TRHDE: variants seen among roughly 807,000 people sequenced by gnomAD.
TRHDE encodes thyrotropin-releasing hormone-degrading ectoenzyme.
Under a neutral mutation model 125.7 loss-of-function variants are expected in TRHDE, and 72 were observed. That is an observed-to-expected ratio of 0.57 (90% CI 0.47 to 0.70). TRHDE has a LOEUF of 0.70. TRHDE is among the 30% of genes least tolerant of loss of function. The pLI, the probability that TRHDE is intolerant of heterozygous loss-of-function variation, is 0.00. For synonymous variants in TRHDE, 509 were observed against 509.1 expected (o/e 1.00, Z 0.00); for missense variants, 1,110 against 1,327.1 (o/e 0.84, Z 2.54).
At chr12:72,170,992 C>G (rs1181700640) in intron 2 of TRHDE, among the ~76,000 whole-genome samples, 1 of 152,096 alleles carries the variant, frequency 6.6e-6, no homozygotes, top group African/African-American at 2.4e-5. Context: ...AATACTCAAC[C>G]AAGAAGTTAT....
intron 5 of TRHDE, among the ~76,000 whole-genome samples, chr12:72,496,148 A>G (rs1877904720): frequency 6.6e-6 from 1 of 152,246 alleles, no homozygotes; most frequent in South Asian, 2.1e-4. Context: ...TTCACCACAA[A>G]CATTTCAACA....
chr12:72,561,301 G>A (rs1371677215), intron 7 of TRHDE, among the ~76,000 whole-genome samples: 1 of 148,284 alleles, frequency 6.7e-6, no homozygotes, highest in Non-Finnish European at 1.5e-5. Flanking sequence ...TCAGTACTTT[G>A]ATATAATTTA....
intron 2 of TRHDE, among the ~76,000 whole-genome samples, chr12:72,352,192 T>C (rs1022864745): frequency 1.3e-5 from 2 of 151,804 alleles, no homozygotes; most frequent in African/African-American, 2.4e-5. Context: ...AATTGAATGA[T>C]TGACTGAGTG....
At chr12:72,651,311 C>A (rs1297652370) in intron 15 of TRHDE, among the ~76,000 whole-genome samples, 1 of 151,964 alleles carries the variant, frequency 6.6e-6, no homozygotes, top group Non-Finnish European at 1.5e-5. Context: ...AGATTCAGAT[C>A]ATCTTACTGG....
At chr12:72,189,206 T>C (rs1877288881) in intron 2 of TRHDE, among the ~76,000 whole-genome samples, 1 of 152,236 alleles carries the variant, frequency 6.6e-6, no homozygotes. Context: ...AAGGTATAAA[T>C]GATTGATAAC....
At chr12:72,499,046 G>A (rs571515031) in intron 5 of TRHDE, among the ~76,000 whole-genome samples, 1 of 152,010 alleles carries the variant, frequency 6.6e-6, no homozygotes, top group South Asian at 2.1e-4. Flanking sequence ...GGGAAAAAAA[G>A]AGCTGTTCAA....
chr12:72,292,923 C>T (rs780159312), intron 2 of TRHDE, among the ~76,000 whole-genome samples: 10 of 152,062 alleles, frequency 6.6e-5, no homozygotes, highest in Admixed American at 2.0e-4. Flanking sequence ...GAAAATGCCA[C>T]GAAGGGTTTG....
chr12:72,360,767 G>A (rs1396019276), intron 2 of TRHDE, among the ~76,000 whole-genome samples: 1 of 151,766 alleles, frequency 6.6e-6, no homozygotes, highest in Non-Finnish European at 1.5e-5. Flanking sequence ...TCTAGAGCAG[G>A]AGGGATGGGA....
intron 2 of TRHDE, among the ~76,000 whole-genome samples, chr12:72,202,051 T>C (rs1426018936): frequency 6.6e-6 from 1 of 152,242 alleles, no homozygotes; most frequent in African/African-American, 2.4e-5. Context: ...TCAACAGTAC[T>C]GTCTCTTTCG....
At chr12:72,238,927 A>T (rs1209969426) in intron 2 of TRHDE, among the ~76,000 whole-genome samples, 1 of 152,184 alleles carries the variant, frequency 6.6e-6, no homozygotes, top group Non-Finnish European at 1.5e-5. Context: ...TTGCTGGGTC[A>T]AATGGTATTT....
At chr12:72,646,048 A>T (rs1037519609) in intron 15 of TRHDE, among the ~76,000 whole-genome samples, 1 of 152,110 alleles carries the variant, frequency 6.6e-6, no homozygotes, top group Admixed American at 6.6e-5. Flanking sequence ...CACTGGTAAA[A>T]ATCAACATAT....
chr12:72,320,543 CTGTGTGTGTGTGTGTGTG>C lies in TRHDE; in HGVS notation c.1188+33611_1188+33628del, dbSNP rs59244019. Among the ~76,000 whole-genome samples the C allele has an allele frequency of 2.8e-5, 4 of 143,172 alleles. No homozygotes were observed. In the South Asian group the frequency reaches 9.3e-4, roughly 33 times the overall value. The allele number at this position is 143,172 out of a possible 152,430, so 93.9% of individuals were successfully genotyped here. A position where few individuals can be genotyped will look rare whatever the true frequency, so the allele number is the denominator to read the frequency against. ...AGAACCTATGGATACAGAGGGTTGA[CTGTGTGTGTGTGTGTGTG>C]TGTGTGTGTGTGTGTGTGTGTAGCA... is the stretch of plus-strand genomic sequence containing the variant. On this transcript the variant is annotated intron_variant, in intron 2 of 18. Coordinates refer to ENST00000261180, the MANE Select transcript of TRHDE (RefSeq NM_013381.3).
At chr12:72,538,175 T>C (rs2135983237) in intron 6 of TRHDE, among the ~76,000 whole-genome samples, 1 of 152,112 alleles carries the variant, frequency 6.6e-6, no homozygotes, top group Admixed American at 6.6e-5. Flanking sequence ...GTGAATTTGC[T>C]TCTAGCTTTC....
At chr12:72,133,660 C>T (rs1309689740) in intron 2 of TRHDE, among the ~76,000 whole-genome samples, 1 of 152,206 alleles carries the variant, frequency 6.6e-6, no homozygotes, top group Non-Finnish European at 1.5e-5. Flanking sequence ...AGGTCCATCA[C>T]TGGGCCACTA....
intron 15 of TRHDE, among the ~76,000 whole-genome samples, chr12:72,650,587 G>C (rs1387562398): frequency 6.6e-6 from 1 of 151,962 alleles, no homozygotes; most frequent in Non-Finnish European, 1.5e-5. Flanking sequence ...TGTATTAATT[G>C]CTTAATAAAT....
At chr12:72,178,488 G>C (rs1179841835) in intron 2 of TRHDE, among the ~76,000 whole-genome samples, 1 of 151,914 alleles carries the variant, frequency 6.6e-6, no homozygotes, top group African/African-American at 2.4e-5. Flanking sequence ...TAATATAAAG[G>C]AGCCTAAGCT....
intron 6 of TRHDE, among the ~76,000 whole-genome samples, chr12:72,533,204 T>C (rs576875083): frequency 7.4e-4 from 113 of 152,092 alleles, no homozygotes; most frequent in Non-Finnish European, 8.5e-4. Flanking sequence ...GATGGAGTTT[T>C]GCTCTTGTCA....
At chr12:72,251,811 T>C (rs192529617) in intron 2 of TRHDE, among the ~76,000 whole-genome samples, 5 of 152,252 alleles carry the variant, frequency 3.3e-5, no homozygotes, top group East Asian at 3.9e-4. Context: ...GATTCCTTTA[T>C]ATCCTTGCCA....
intron 2 of TRHDE, among the ~76,000 whole-genome samples, chr12:72,375,023 G>T (rs967062050): frequency 2.0e-5 from 3 of 152,120 alleles, no homozygotes; most frequent in Non-Finnish European, 2.9e-5. Flanking sequence ...GCATAGATTG[G>T]TGATGTGGGA....
Sources: gnomAD v4.1 joint callset for allele counts (sites outside exome capture counted in the v4.1 genomes callset) on GRCh38, gnomAD v4.1.1 for gene constraint, MANE v1.5 for transcripts, NCBI Gene and HGNC (gene_info 2026-07-23, HGNC 2026-07-21) for gene names.